Variants in SGCZ observed in about 807,000 individuals in gnomAD.
SGCZ encodes sarcoglycan zeta.
In SGCZ, 40 loss-of-function variants were observed where a neutral mutation model predicts 41.3. The observed-to-expected ratio is 0.97, with a 90% CI of 0.75 to 1.26. The LOEUF (loss-of-function observed/expected upper bound fraction) is 1.26. SGCZ is among the 50% of genes most tolerant of loss of function. The probability of loss-of-function intolerance (pLI) is 0.00; values close to 1 mark genes in which losing one functional copy is unlikely to be tolerated. For synonymous variants in SGCZ, 206 were observed against 137.5 expected (o/e 1.50, Z -3.49); for missense variants, 552 against 369.8 (o/e 1.49, Z -4.04).
At chr8:14,902,797 G>C (rs887768776) in intron 1 of SGCZ, among the ~76,000 whole-genome samples, 2 of 152,028 alleles carry the variant, frequency 1.3e-5, no homozygotes, top group Admixed American at 1.3e-4. Context: ...CCTTAATCAG[G>C]AATACATGCT....
chr8:14,976,957 G>A (rs922693328), intron 1 of SGCZ, among the ~76,000 whole-genome samples: 1 of 152,186 alleles, frequency 6.6e-6, no homozygotes, highest in African/African-American at 2.4e-5. Flanking sequence ...AATGATTAAA[G>A]TTTTCTGCAG....
At chr8:14,147,937 A>G (rs1803578316) in intron 5 of SGCZ, among the ~76,000 whole-genome samples, 1 of 152,164 alleles carries the variant, frequency 6.6e-6, no homozygotes. Context: ...AAATTAAACC[A>G]TGTGCTCCTC....
At chr8:14,845,384 G>A (rs1803064543) in intron 1 of SGCZ, among the ~76,000 whole-genome samples, 1 of 149,636 alleles carries the variant, frequency 6.7e-6, no homozygotes, top group Non-Finnish European at 1.5e-5. Flanking sequence ...AAAGCTTTTT[G>A]TTATACAAAA....
At chr8:14,818,249 C>G (rs1801965614) in intron 1 of SGCZ, among the ~76,000 whole-genome samples, 1 of 152,156 alleles carries the variant, frequency 6.6e-6, no homozygotes, top group Non-Finnish European at 1.5e-5. Flanking sequence ...CCTGTTAGGC[C>G]TCTGTACACA....
chr8:15,158,239 A>T (rs1488632815), intron 1 of SGCZ, among the ~76,000 whole-genome samples: 3 of 151,704 alleles, frequency 2.0e-5, no homozygotes, highest in Non-Finnish European at 4.4e-5. Context: ...ATCACCCCAT[A>T]CCAGGTTTCT....
chr8:14,738,868 T>C (rs181524847), intron 1 of SGCZ, among the ~76,000 whole-genome samples: 1 of 152,142 alleles, frequency 6.6e-6, no homozygotes, highest in Non-Finnish European at 1.5e-5. Flanking sequence ...TGGAACAGCC[T>C]GAATTGCTTT....
At chr8:14,815,203 G>A (rs1424576833) in intron 1 of SGCZ, among the ~76,000 whole-genome samples, 3 of 151,010 alleles carry the variant, frequency 2.0e-5, no homozygotes, top group African/African-American at 7.3e-5. Flanking sequence ...AAATTTTTCT[G>A]CAGAATAATT....
chr8:14,215,991 TA>T (rs1805981255), intron 4 of SGCZ, among the ~76,000 whole-genome samples: 1 of 152,176 alleles, frequency 6.6e-6, no homozygotes, highest in African/African-American at 2.4e-5. Context: ...GAGGGTGCTG[TA>T]AAAAGGCAGC....
In SGCZ at chr8:14,911,619, T is replaced by G. The variant is rs533754868; in HGVS notation, c.39+325966A>C. ...AGAAATGTATCTTGAATTCCCATAA[T>G]AAAATCTGGCTGCAGAGTGCTTTAC... On this transcript the variant is annotated intron_variant, in intron 1 of 7. Coordinates refer to ENST00000382080, the MANE Select transcript of SGCZ (RefSeq NM_139167.4). Among the ~76,000 whole-genome samples, 5 of 152,124 alleles carry G rather than the reference T, an allele frequency of 3.3e-5. No individual in the cohort carries two copies. The South Asian group carries it at 1.0e-3, about 31-fold the overall frequency.
At position 14,372,236 on chromosome 8, in the gene SGCZ, T is replaced by C. The variant is rs77130362; in HGVS notation, c.235-48032A>G. On this transcript the variant is annotated intron_variant, in intron 2 of 7. Transcript: ENST00000382080. The stretch of plus-strand genomic sequence containing the variant: ...ATTGAGAATTATATGAAGACTAAAT[T>C]TGCGAAACAGAAGTCTCTTAGTAAC... Among the ~76,000 whole-genome samples the C allele has an allele frequency of 2.1e-3, 316 of 152,242 alleles. 4 individuals are homozygous for C. The highest frequency in any genetic ancestry group is 1.3e-3 in the Non-Finnish European group (91 of 67,998).
chr8:15,131,222 G>T (rs1034125692), intron 1 of SGCZ, among the ~76,000 whole-genome samples: 7 of 152,172 alleles, frequency 4.6e-5, no homozygotes, highest in African/African-American at 9.7e-5. Context: ...TGTGCTGTGG[G>T]AAGGGCCCAG....
intron 1 of SGCZ, among the ~76,000 whole-genome samples, chr8:14,853,158 G>C (rs1010495566): frequency 6.6e-6 from 1 of 152,108 alleles, no homozygotes; most frequent in African/African-American, 2.4e-5. Flanking sequence ...TGAAGATTTT[G>C]CCCATGAATT....
chr8:14,235,886 T>C (rs1378203850), intron 4 of SGCZ, among the ~76,000 whole-genome samples: 1 of 152,148 alleles, frequency 6.6e-6, no homozygotes, highest in Non-Finnish European at 1.5e-5. Flanking sequence ...GGTTTCACCA[T>C]GTTGGACAGG....
intron 1 of SGCZ, among the ~76,000 whole-genome samples, chr8:14,638,532 T>C (rs1252721654): frequency 6.6e-6 from 1 of 151,836 alleles, no homozygotes; most frequent in Non-Finnish European, 1.5e-5. Flanking sequence ...GCAAGACACA[T>C]TATAAACTCC....
At chr8:14,203,331 AT>A (rs2117075941) in intron 4 of SGCZ, among the ~76,000 whole-genome samples, 1 of 152,264 alleles carries the variant, frequency 6.6e-6, no homozygotes, top group African/African-American at 2.4e-5. Flanking sequence ...ATCTTTTCTT[AT>A]CTACGTTCAT....
chr8:15,108,554 A>T (rs1806923443), intron 1 of SGCZ, among the ~76,000 whole-genome samples: 1 of 152,212 alleles, frequency 6.6e-6, no homozygotes, highest in Non-Finnish European at 1.5e-5. Context: ...AATGGGTAAG[A>T]AAGGGTTTTC....
chr8:14,756,706 T>A (rs528207520), intron 1 of SGCZ, among the ~76,000 whole-genome samples: 21 of 152,330 alleles, frequency 1.4e-4, no homozygotes, highest in Admixed American at 1.2e-3. Context: ...TAAATGGTGA[T>A]AAAATACATA....
chr8:14,251,701 T>C (rs1799292357), intron 3 of SGCZ, among the ~76,000 whole-genome samples: 1 of 152,184 alleles, frequency 6.6e-6, no homozygotes, highest in South Asian at 2.1e-4. Flanking sequence ...AGTATTAGAC[T>C]TGCATGCATT....
At chr8:14,999,988 G>A (rs971079976) in intron 1 of SGCZ, among the ~76,000 whole-genome samples, 1 of 152,170 alleles carries the variant, frequency 6.6e-6, no homozygotes, top group Non-Finnish European at 1.5e-5. Context: ...CTCAGGACTA[G>A]AATGTGACTG....
Sources: gnomAD v4.1 joint callset for allele counts (sites outside exome capture counted in the v4.1 genomes callset) on GRCh38, gnomAD v4.1.1 for gene constraint, MANE v1.5 for transcripts, NCBI Gene and HGNC (gene_info 2026-07-23, HGNC 2026-07-21) for gene names.